MCTP1: variants seen among roughly 807,000 people sequenced by gnomAD.
MCTP1 encodes the protein multiple C2 and transmembrane domain-containing protein 1.
In MCTP1, 69 loss-of-function variants were observed where a neutral mutation model predicts 120.6. That is an observed-to-expected ratio of 0.57 (90% CI 0.47 to 0.70). The LOEUF is 0.70. Among genes scored for constraint, MCTP1 ranks in the 30% least tolerant of loss-of-function variants. The pLI is 0.00. For missense variants in MCTP1, 1,203 were observed against 1,248.8 expected (o/e 0.96, Z 0.55); for synonymous variants, 529 against 493.1 (o/e 1.07, Z -0.96).
intron 1 of MCTP1, among the ~76,000 whole-genome samples, chr5:95,232,761 T>A (rs925324070): frequency 6.6e-6 from 1 of 152,072 alleles, no homozygotes; most frequent in African/African-American, 2.4e-5. Flanking sequence ...AATAAAATTA[T>A]GAAAAAAAGA....
At chr5:94,974,825 T>C (rs1827737811) in intron 2 of MCTP1, among the ~76,000 whole-genome samples, 1 of 152,170 alleles carries the variant, frequency 6.6e-6, no homozygotes, top group Non-Finnish European at 1.5e-5. Flanking sequence ...CTTTTGTAGA[T>C]TAATTACTAT....
intron 12 of MCTP1, among the ~76,000 whole-genome samples, chr5:94,875,003 A>T (rs1462549936): frequency 6.6e-6 from 1 of 152,174 alleles, no homozygotes; most frequent in Admixed American, 6.6e-5. Context: ...CTTACCATGT[A>T]GCAGGCAGTG....
chr5:94,976,976 G>A (rs756998835), intron 2 of MCTP1, among the ~76,000 whole-genome samples: 7 of 151,998 alleles, frequency 4.6e-5, no homozygotes, highest in South Asian at 2.1e-4. Flanking sequence ...CTATCCAGAG[G>A]AATTGGACAA....
At chr5:95,243,730 C>T (rs766695133) in intron 1 of MCTP1, among the ~76,000 whole-genome samples, 6 of 151,950 alleles carry the variant, frequency 3.9e-5, no homozygotes, top group Non-Finnish European at 7.4e-5. Context: ...AAAAGGTGAA[C>T]GAGTCCAAGA....
intron 19 of MCTP1, among the ~76,000 whole-genome samples, chr5:94,729,399 C>T (rs1398813970): frequency 6.6e-6 from 1 of 152,178 alleles, no homozygotes; most frequent in Non-Finnish European, 1.5e-5. Context: ...TGGTGGAGAA[C>T]TGAACCACAG....
chr5:95,061,061 C>G (rs1451036698), intron 1 of MCTP1, among the ~76,000 whole-genome samples: 1 of 147,684 alleles, frequency 6.8e-6, no homozygotes, highest in African/African-American at 2.5e-5. Flanking sequence ...AGCCATTAGG[C>G]CTTTGTTGGT....
chr5:95,125,778 T>C (rs114759300), intron 1 of MCTP1, among the ~76,000 whole-genome samples: 119 of 152,332 alleles, frequency 7.8e-4, no homozygotes, highest in Non-Finnish European at 1.6e-4. Context: ...AATGAAATCA[T>C]ATACATAAAC....
intron 12 of MCTP1, among the ~76,000 whole-genome samples, chr5:94,887,271 A>G (rs1217606470): frequency 6.6e-6 from 1 of 152,136 alleles, no homozygotes; most frequent in Non-Finnish European, 1.5e-5. Context: ...TATTCACATC[A>G]ATTTACATAG....
At chr5:94,968,714 A>C (rs1382254710) in intron 2 of MCTP1, among the ~76,000 whole-genome samples, 1 of 152,200 alleles carries the variant, frequency 6.6e-6, no homozygotes, top group East Asian at 1.9e-4. Context: ...TATCAAATTA[A>C]AGAGAGGCCT....
chr5:94,850,967 C>A (rs1005091423), intron 17 of MCTP1, among the ~76,000 whole-genome samples: 1 of 152,034 alleles, frequency 6.6e-6, no homozygotes, highest in African/African-American at 2.4e-5. Flanking sequence ...TATCTACATT[C>A]AATATTTAGA....
chr5:94,887,496 C>A (rs1801607246), intron 12 of MCTP1, among the ~76,000 whole-genome samples: 1 of 152,050 alleles, frequency 6.6e-6, no homozygotes, highest in Non-Finnish European at 1.5e-5. Flanking sequence ...ATAAATGGTA[C>A]TTGCATTTTT....
chr5:95,246,894 T>C (rs1363586081), intron 1 of MCTP1, among the ~76,000 whole-genome samples: 1 of 152,216 alleles, frequency 6.6e-6, no homozygotes, highest in Non-Finnish European at 1.5e-5. Context: ...ATCAGGGTGA[T>C]GACAGCCTCA....
chr5:94,909,266 TC>T lies in MCTP1; in HGVS notation c.1636del (p.Asp546MetfsTer39), dbSNP rs777558035. ...TAWDKDAGKR[D>X]DFIGRCQVDL... Reference sequence around the variant, plus strand: ...TTGCACAAACCTGCCAATGAAATCATCCCTTTTCCCAGCATCTTTGTCCCAT... The same window carrying T: ...TTGCACAAACCTGCCAATGAAATCATCCTTTTCCCAGCATCTTTGTCCCAT... On this transcript the variant is annotated frameshift_variant, in exon 10 of 23. Transcript: ENST00000515393. LOFTEE classifies it high-confidence loss of function. 6.2e-7 allele frequency: 1 copy of T among 1,612,092 alleles called. No individual in the cohort carries two copies. The highest frequency in any genetic ancestry group is 1.7e-5 in the Admixed American group (1 of 59,752).
chr5:95,036,452 T>C (rs1022408901), intron 1 of MCTP1, among the ~76,000 whole-genome samples: 1 of 152,194 alleles, frequency 6.6e-6, no homozygotes, highest in Non-Finnish European at 1.5e-5. Context: ...ACAGCTCTTA[T>C]GAAACCGAAA....
At chr5:94,907,494 C>T in intron 10 of MCTP1, among the ~76,000 whole-genome samples, 1 of 152,254 alleles carries the variant, frequency 6.6e-6, no homozygotes, top group South Asian at 2.1e-4. Flanking sequence ...ATAGACTTCT[C>T]TTTTTCAAGC....
At chr5:94,983,593 C>T (rs1829884961) in intron 2 of MCTP1, among the ~76,000 whole-genome samples, 1 of 152,160 alleles carries the variant, frequency 6.6e-6, no homozygotes, top group Admixed American at 6.5e-5. Context: ...ATCTCTTGAG[C>T]TTAGAAGTTC....
chr5:94,883,343 T>C (rs1449859063), intron 12 of MCTP1, among the ~76,000 whole-genome samples: 1 of 152,186 alleles, frequency 6.6e-6, no homozygotes. Flanking sequence ...ATGAGCATAA[T>C]TATTAAAAAG....
chr5:95,081,749 G>A (rs750304386), intron 1 of MCTP1: 69 of 1,198,548 alleles, frequency 5.8e-5, no homozygotes, highest in Non-Finnish European at 6.2e-5. Context: ...TTGCAAAACT[G>A]TTAGTACAGA....
intron 19 of MCTP1, among the ~76,000 whole-genome samples, chr5:94,747,443 A>G (rs1195624059): frequency 6.6e-6 from 1 of 152,106 alleles, no homozygotes; most frequent in Non-Finnish European, 1.5e-5. Flanking sequence ...TTTTTCTGTA[A>G]AGGGCTAAAT....
Sources: allele counts gnomAD v4.1 joint callset (sites outside exome capture counted in the v4.1 genomes callset), GRCh38; gene constraint gnomAD v4.1.1; transcripts MANE v1.5; gene names NCBI Gene and HGNC (gene_info 2026-07-23, HGNC 2026-07-21).